Variants in PRL observed in about 807,000 individuals in gnomAD.
PRL encodes decidual prolactin.
PRL carries 24 observed loss-of-function variants against 21.3 expected under a neutral mutation model. The observed-to-expected ratio is 1.13, with a 90% confidence interval of 0.82 to 1.59. The LOEUF (loss-of-function observed/expected upper bound fraction) is 1.59, where lower values mean the gene tolerates loss of function less well. PRL is among the 40% of genes most tolerant of loss of function. The probability of loss-of-function intolerance (pLI) is 0.00; values close to 1 mark genes in which losing one functional copy is unlikely to be tolerated. For synonymous variants in PRL, 118 were observed against 115.7 expected (o/e 1.02, Z -0.13); for missense variants, 243 against 286.9 (o/e 0.85, Z 1.10).
At chr6:22,292,469 C>T in intron 3 of PRL, 69 bp downstream of exon 3, 2 of 1,400,134 alleles carry the variant, frequency 1.4e-6, no homozygotes, top group South Asian at 1.2e-5. Context: ...TATTACAGCA[C>T]CTATCACCAT....
intron 3 of PRL, among the ~76,000 whole-genome samples, chr6:22,292,152 T>C (rs763987727): frequency 6.6e-6 from 1 of 152,158 alleles, no homozygotes; most frequent in Non-Finnish European, 1.5e-5. Context: ...GCTGTTGATG[T>C]AGGAGTCACG....
chr6:22,300,905 C>A (rs1015401781), upstream of PRL, among the ~76,000 whole-genome samples: 1 of 152,328 alleles, frequency 6.6e-6, no homozygotes, highest in South Asian at 2.1e-4. Flanking sequence ...CGTGCTTGTT[C>A]TGAATCATGT....
chr6:22,289,533 A>G (rs1257992642), intron 4 of PRL, among the ~76,000 whole-genome samples: 1 of 152,224 alleles, frequency 6.6e-6, no homozygotes, highest in Non-Finnish European at 1.5e-5. Flanking sequence ...AAAAAACAAA[A>G]TTTAGAATGA....
At chr6:22,299,560 G>A (rs928955162), upstream of PRL, among the ~76,000 whole-genome samples, 1 of 152,144 alleles carries the variant, frequency 6.6e-6, no homozygotes. Flanking sequence ...TCCTTCACAG[G>A]GCGGGCGCAG....
At chr6:22,300,690 C>T (rs552327236), upstream of PRL, among the ~76,000 whole-genome samples, 7 of 152,244 alleles carry the variant, frequency 4.6e-5, no homozygotes, top group African/African-American at 1.7e-4. Context: ...TTTGCTAGGG[C>T]TTTGGAGGTC....
upstream of PRL, chr6:22,297,215 A>G: frequency 1.8e-6 from 1 of 557,494 alleles, no homozygotes; most frequent in South Asian, 2.4e-5. Flanking sequence ...CATACTGGCC[A>G]GAAATGAACA....
Position 22,296,973 on chromosome 6 carries a change from T to A in PRL, c.10A>T (p.Lys4Ter). The A allele has an allele frequency of 6.2e-7, 1 of 1,614,086 alleles. No individual in the cohort carries two copies. The highest frequency in any genetic ancestry group is 8.5e-7 in the Non-Finnish European group (1 of 1,179,984). The change falls in exon 1 of 5, where the codon AAA becomes TAA. Residue 4 changes from lysine (K) to a stop codon, truncating the protein, a stop_gained. Coordinates refer to ENST00000306482, the MANE Select transcript of PRL (RefSeq NM_000948.6). LOFTEE classifies it high-confidence loss of function. ...CACATACCTTTCCATGGCGATCCTT[T>A]GATGTTCATGTTCGTGATCGTTGCA... MNI[K>*]GSPWKGSLLL... is the part of the protein sequence containing the mutation.
At chr6:22,302,309 C>A (rs1391143436), upstream of PRL, among the ~76,000 whole-genome samples, 2 of 128,064 alleles carry the variant, frequency 1.6e-5, no homozygotes, top group African/African-American at 5.8e-5. Flanking sequence ...ACAAGACATT[C>A]CATTTAACAG....
upstream of PRL, among the ~76,000 whole-genome samples, chr6:22,300,316 C>T (rs148984475): frequency 2.9e-3 from 444 of 152,344 alleles, 1 homozygote; most frequent in Non-Finnish European, 4.6e-3. Context: ...TGTAAACAAA[C>T]TGCAACCTAA....
chr6:22,292,458 C>A, intron 3 of PRL, 80 bp downstream of exon 3: 2 of 1,286,792 alleles, frequency 1.6e-6, no homozygotes, highest in Non-Finnish European at 2.2e-6. Flanking sequence ...TTACCACTAG[C>A]TATTACAGCA....
Position 22,287,410 on chromosome 6 carries a change from T to C in PRL, c.676A>G (p.Asn226Asp), listed in dbSNP as rs1760943609. Residue 226 changes from asparagine to aspartate, a missense_variant, in exon 5 of 5, where the codon AAC (asparagine) becomes GAC (aspartate). Asn to Asp is a conservative substitution (Grantham distance 23). Coordinates refer to ENST00000306482, the MANE Select transcript of PRL (RefSeq NM_000948.6). The part of the protein sequence containing the change: ...LLKCRIIHNN[N>D]C The stretch of plus-strand genomic sequence containing the variant: ...ATGAAATGGATGTGGGCTTAGCAGT[T>C]GTTGTTGTGGATGATTCGGCACTTC... The C allele has an allele frequency of 6.2e-7, 1 of 1,612,276 alleles. No homozygotes were observed. The highest frequency in any genetic ancestry group is 1.7e-5 in the Admixed American group (1 of 59,962).
intron 4 of PRL, among the ~76,000 whole-genome samples, chr6:22,289,497 A>G (rs954306596): frequency 2.6e-5 from 4 of 152,218 alleles, no homozygotes; most frequent in African/African-American, 9.6e-5. Context: ...GTACAATGAC[A>G]TGAGTTTTGA....
Position 22,287,335 on chromosome 6 carries a change from T to A in PRL, c.*67A>T, listed in dbSNP as rs1287286496. 8 of 1,454,184 alleles carry A rather than the reference T, an allele frequency of 5.5e-6. No individual in the cohort carries two copies. The highest frequency in any genetic ancestry group is 7.4e-6 in the Non-Finnish European group (8 of 1,076,128). The allele number at this position is 1,454,184 out of a possible 1,614,324, so 90.1% of individuals were successfully genotyped here. On this transcript the variant is annotated 3_prime_UTR_variant, in exon 5 of 5. Coordinates refer to ENST00000306482, the MANE Select transcript of PRL (RefSeq NM_000948.6). ...AGCATGGATTCAAAAGAGATACAAC[T>A]AAAAGAAGCTTGCAATGGAACGGAT... is the stretch of plus-strand genomic sequence containing the variant.
Position 22,292,624 on chromosome 6 carries a change from G to A in PRL, c.226C>T (p.Arg76Trp), listed in dbSNP as rs371275642. 67 of 1,613,730 alleles carry A rather than the reference G, an allele frequency of 4.2e-5. No homozygotes were observed. Among genetic ancestry groups the A allele is most frequent in the South Asian group, 7.7e-5 (7 of 91,040 alleles). Residue 76 changes from arginine (R) to tryptophan (W), a missense_variant, in exon 3 of 5, where the codon CGG becomes TGG. Physicochemically the swap from Arg to Trp is moderately radical, Grantham distance 101. Coordinates refer to ENST00000306482, the MANE Select transcript of PRL (RefSeq NM_000948.6). ...SEFDKRYTHG[R>W]GFITKAINSC... is the part of the protein sequence containing the mutation. ...TTGATGGCCTTGGTAATGAACCCCC[G>A]GCCATGGGTATACCGTTTATCCTGG... is the stretch of plus-strand genomic sequence containing the variant.
At chr6:22,295,094 A>G (rs1224953442) in intron 1 of PRL, among the ~76,000 whole-genome samples, 4 of 152,238 alleles carry the variant, frequency 2.6e-5, no homozygotes, top group African/African-American at 9.6e-5. Flanking sequence ...TTTGATTGCT[A>G]ATACTGAGTT....
chr6:22,296,584 A>G (rs919661852), intron 1 of PRL, among the ~76,000 whole-genome samples: 1 of 152,164 alleles, frequency 6.6e-6, no homozygotes, highest in South Asian at 2.1e-4. Context: ...CTCAATCTTG[A>G]TATTATTGGC....
In PRL at chr6:22,294,523, G is replaced by A. The variant is rs199722085; in HGVS notation, c.90C>T (p.Pro30=). 4 of 1,613,952 alleles carry A rather than the reference G, an allele frequency of 2.5e-6. No homozygotes were observed. Among genetic ancestry groups the A allele is most frequent in the East Asian group, 2.2e-5 (1 of 44,868 alleles). The part of the protein sequence containing the change: ...LLLCQSVAPL[P]ICPGGAARCQ... ...ATCGGGCAGCCCCGCCGGGACAGATGGGCAAGGGGGCCACGCTCTGGCACA... is the reference window on the plus strand; with the variant it reads ...ATCGGGCAGCCCCGCCGGGACAGATAGGCAAGGGGGCCACGCTCTGGCACA... The change falls in exon 2 of 5, where the codon CCC becomes CCT. Residue 30 remains proline (P), a synonymous_variant. Transcript: ENST00000306482.
chr6:22,300,118 T>C (rs1761256244), upstream of PRL, among the ~76,000 whole-genome samples: 1 of 152,184 alleles, frequency 6.6e-6, no homozygotes, highest in African/African-American at 2.4e-5. Flanking sequence ...TATAAAATAT[T>C]AGACAATGTA....
intron 1 of PRL, among the ~76,000 whole-genome samples, chr6:22,295,581 C>T (rs1482732977): frequency 2.0e-5 from 3 of 152,206 alleles, no homozygotes; most frequent in Non-Finnish European, 4.4e-5. Context: ...AATTACAAAA[C>T]ACTCTGATCT....
Sources: allele counts gnomAD v4.1 joint callset (sites outside exome capture counted in the v4.1 genomes callset), GRCh38; gene constraint gnomAD v4.1.1; transcripts MANE v1.5; gene names NCBI Gene and HGNC (gene_info 2026-07-23, HGNC 2026-07-21).